TASP1: variants seen among roughly 807,000 people sequenced by gnomAD.
TASP1 encodes the protein taspase 1.
TASP1 carries 16 observed loss-of-function variants against 56.6 expected under a neutral mutation model. The ratio of observed to expected loss-of-function variants is 0.28; its 90% CI spans 0.19 to 0.43. The LOEUF is 0.43. Among genes scored for constraint, TASP1 ranks in the 20% least tolerant of loss-of-function variants. TASP1 has a pLI of 1.00. For missense variants in TASP1, 393 were observed against 511.6 expected (o/e 0.77, Z 2.24); for synonymous variants, 179 against 184.2 (o/e 0.97, Z 0.23).
At chr20:13,320,511 C>A in the TASP1 span, among the ~76,000 whole-genome samples, 3 of 151,922 alleles carry the variant, frequency 2.0e-5, no homozygotes, top group Non-Finnish European at 4.4e-5. Flanking sequence ...TTAGAAAGAC[C>A]CAAATATATA....
At chr20:13,314,477 T>C in the TASP1 span, among the ~76,000 whole-genome samples, 3 of 151,996 alleles carry the variant, frequency 2.0e-5, no homozygotes, top group Non-Finnish European at 2.9e-5. Context: ...GTGAAACATT[T>C]AAAGTATTGA....
At chr20:13,382,194 C>A in the TASP1 span, among the ~76,000 whole-genome samples, 27 of 152,288 alleles carry the variant, frequency 1.8e-4, no homozygotes, top group Admixed American at 5.9e-4. Flanking sequence ...ATGCCACAAA[C>A]TAGCTGTTTT....
At chr20:13,477,173 G>A (rs80038332) in intron 11 of TASP1, among the ~76,000 whole-genome samples, 2,549 of 152,150 alleles carry the variant, frequency 0.017, 72 homozygotes, top group African/African-American at 0.056. Context: ...TGGCAGAAAA[G>A]CATAAGAGGG....
intron 5 of TASP1, 42 bp downstream of exon 5, chr20:13,587,208 T>C: frequency 6.3e-7 from 1 of 1,577,968 alleles, no homozygotes; most frequent in Non-Finnish European, 8.6e-7. Context: ...AATGGTCACG[T>C]GCATGATTTT....
At chr20:13,225,194 G>C in the TASP1 span, among the ~76,000 whole-genome samples, 1 of 151,990 alleles carries the variant, frequency 6.6e-6, no homozygotes, top group Admixed American at 6.6e-5. Flanking sequence ...CCGGGAATTA[G>C]GTGCTATCAT....
chr20:13,136,956 A>G, the TASP1 span, among the ~76,000 whole-genome samples: 1 of 152,064 alleles, frequency 6.6e-6, no homozygotes, highest in Non-Finnish European at 1.5e-5. Flanking sequence ...TCTACTTTCC[A>G]TAGGAAGAAA....
At chr20:13,569,440 C>T (rs1002576712) in intron 7 of TASP1, 67 bp downstream of exon 7, 21 of 1,261,338 alleles carry the variant, frequency 1.7e-5, no homozygotes, top group South Asian at 8.8e-5. Flanking sequence ...TGGGTCATAA[C>T]AGAAGCAATA....
chr20:13,352,397 C>G, the TASP1 span, among the ~76,000 whole-genome samples: 1 of 150,538 alleles, frequency 6.6e-6, no homozygotes, highest in African/African-American at 2.5e-5. Context: ...TAGCAGTAAG[C>G]CAAGAATGCA....
chr20:13,300,872 C>T, the TASP1 span, among the ~76,000 whole-genome samples: 3 of 152,166 alleles, frequency 2.0e-5, no homozygotes, highest in Non-Finnish European at 4.4e-5. Flanking sequence ...GACTTTTTGC[C>T]CGCCCAGACC....
intron 11 of TASP1, among the ~76,000 whole-genome samples, chr20:13,439,975 G>A (rs776712155): frequency 2.6e-5 from 4 of 152,032 alleles, no homozygotes; most frequent in African/African-American, 4.8e-5. Context: ...GGGGCCCCAC[G>A]AAGATTTAAC....
chr20:13,441,940 C>A (rs2043226766), intron 11 of TASP1, among the ~76,000 whole-genome samples: 1 of 152,176 alleles, frequency 6.6e-6, no homozygotes, highest in Non-Finnish European at 1.5e-5. Context: ...TATCATTAAA[C>A]AACTGAAAAA....
At chr20:13,475,581 T>C (rs578120584) in intron 11 of TASP1, among the ~76,000 whole-genome samples, 250 of 152,262 alleles carry the variant, frequency 1.6e-3, no homozygotes, top group Non-Finnish European at 2.9e-3. Context: ...ATATTTTCTA[T>C]CTAGTAATTC....
chr20:13,119,127 G>A, the TASP1 span, among the ~76,000 whole-genome samples: 1 of 152,202 alleles, frequency 6.6e-6, no homozygotes, highest in Non-Finnish European at 1.5e-5. Context: ...AAATTTAGGA[G>A]CTCCCTGATC....
chr20:13,477,322 C>A (rs1353583630), intron 11 of TASP1, among the ~76,000 whole-genome samples: 2 of 151,980 alleles, frequency 1.3e-5, no homozygotes, highest in East Asian at 3.9e-4. Context: ...ATACTATATT[C>A]CACATGGAAT....
At chr20:13,617,504 AC>A (rs1483208869) in intron 4 of TASP1, among the ~76,000 whole-genome samples, 1 of 152,172 alleles carries the variant, frequency 6.6e-6, no homozygotes. Flanking sequence ...ATGAGCACTT[AC>A]GTAAATGTGA....
the TASP1 span, among the ~76,000 whole-genome samples, chr20:13,283,666 G>A: frequency 0.061 from 9,272 of 150,996 alleles, 400 homozygotes; most frequent in Non-Finnish European, 0.09. Flanking sequence ...TAGATACTTG[G>A]GGTATCCAGG....
intron 4 of TASP1, among the ~76,000 whole-genome samples, chr20:13,598,921 G>GA (rs2047848208): frequency 6.6e-6 from 1 of 152,140 alleles, no homozygotes; most frequent in South Asian, 2.1e-4. Context: ...ACAGACACAT[G>GA]AAAAAATGCT....
At chr20:13,168,254 G>C in the TASP1 span, 3 of 150,976 alleles carry the variant, frequency 2.0e-5, no homozygotes, top group East Asian at 5.8e-4. Flanking sequence ...CAAGATCTCG[G>C]CTCATTGCAA....
chr20:13,157,940 T>C, the TASP1 span, among the ~76,000 whole-genome samples: 8 of 152,376 alleles, frequency 5.3e-5, no homozygotes, highest in South Asian at 1.0e-3. Flanking sequence ...TTTCCTACTA[T>C]GCAGAATGAA....
Sources: gnomAD v4.1 joint callset for allele counts (sites outside exome capture counted in the v4.1 genomes callset) on GRCh38, gnomAD v4.1.1 for gene constraint, MANE v1.5 for transcripts, NCBI Gene and HGNC (gene_info 2026-07-23, HGNC 2026-07-21) for gene names.